MOB4: variants seen among roughly 807,000 people sequenced by gnomAD.
The protein encoded by MOB4 is MOB-like protein phocein.
Under a neutral mutation model 32.2 loss-of-function variants are expected in MOB4, and 4 were observed. That is an observed-to-expected ratio of 0.12 (90% CI 0.06 to 0.28). The LOEUF (loss-of-function observed/expected upper bound fraction) is 0.28. Among genes scored for constraint, MOB4 ranks in the 10% least tolerant of loss-of-function variants. The pLI is 1.00. For synonymous variants in MOB4, 88 were observed against 88.1 expected, an observed-to-expected ratio of 1.00 and a Z score of 0.01; for missense variants, 158 against 271.2, an observed-to-expected ratio of 0.58 and a Z score of 2.93.
chr2:197,517,156 C>A (rs1002586560), intron 1 of MOB4, among the ~76,000 whole-genome samples: 1 of 152,212 alleles, frequency 6.6e-6, no homozygotes, highest in East Asian at 1.9e-4. Flanking sequence ...TGATTACCTC[C>A]CCAGATTCAT....
intron 2 of MOB4, among the ~76,000 whole-genome samples, chr2:197,529,804 C>T (rs1185676283): frequency 2.0e-5 from 3 of 152,004 alleles, no homozygotes; most frequent in Non-Finnish European, 2.9e-5. Context: ...CAGGCGCACA[C>T]CACCGTGCCC....
At chr2:197,516,167 T>G in intron 1 of MOB4, 21 bp downstream of exon 1, 1 of 1,591,218 alleles carries the variant, frequency 6.3e-7, no homozygotes, top group Non-Finnish European at 8.5e-7. Context: ...TGCACTTTTC[T>G]TGTCGGGCAA....
chr2:197,524,530 C>CAAA (rs58552334), intron 2 of MOB4, among the ~76,000 whole-genome samples: 1 of 108,966 alleles, frequency 9.2e-6, no homozygotes, highest in Non-Finnish European at 1.9e-5. Flanking sequence ...GACTCTGTCT[C>CAAA]AAAAAAAAAA....
intron 5 of MOB4, among the ~76,000 whole-genome samples, chr2:197,543,965 C>T (rs2086944525): frequency 6.6e-6 from 1 of 152,094 alleles, no homozygotes; most frequent in Admixed American, 6.5e-5. Context: ...GCCTCGAACT[C>T]CTGACCTCAT....
chr2:197,533,722 C>CAAAAAAAAAA (rs796816631), intron 2 of MOB4: 1 of 134,922 alleles, frequency 7.4e-6, no homozygotes, highest in Non-Finnish European at 1.4e-5. Context: ...CAAAACTCCT[C>CAAAAAAAAAA]AAAAAAAAAA....
At chr2:197,548,288 TA>T (rs2106139087) in intron 5 of MOB4, 47 bp from the exon 6 acceptor site, 1 of 1,538,206 alleles carries the variant, frequency 6.5e-7, no homozygotes, top group South Asian at 1.2e-5. Flanking sequence ...ATATCTAACT[TA>T]AGAGAGAGCT....
intron 2 of MOB4, among the ~76,000 whole-genome samples, chr2:197,524,544 A>C (rs1186070176): frequency 6.7e-6 from 1 of 150,320 alleles, no homozygotes; most frequent in Non-Finnish European, 1.5e-5. Flanking sequence ...AAAAAAAAAA[A>C]AAACAAAAAC....
At chr2:197,540,806 A>G (rs879144925) in intron 5 of MOB4, among the ~76,000 whole-genome samples, 1 of 152,202 alleles carries the variant, frequency 6.6e-6, no homozygotes, top group Admixed American at 6.5e-5. Flanking sequence ...TAGTTTAAGT[A>G]GAAATGTTAC....
intron 2 of MOB4, chr2:197,533,685 A>G: frequency 3.3e-6 from 1 of 303,024 alleles, no homozygotes; most frequent in Non-Finnish European, 6.3e-6. Context: ...AGACTGAGCC[A>G]TTGCACTCCA....
intron 2 of MOB4, among the ~76,000 whole-genome samples, chr2:197,531,050 T>TA (rs200103800): frequency 0.014 from 1,377 of 98,164 alleles, 19 homozygotes; most frequent in South Asian, 0.066. Context: ...TATTTTTATT[T>TA]TTATTTTTTT....
In MOB4 at chr2:197,542,361, T is replaced by C. The variant is rs535090487; in HGVS notation, c.354+1924T>C. On this transcript the variant is annotated intron_variant, in intron 5 of 7. Transcript: ENST00000323303. ...CAAGTGGTAGTTATATTGAGTGGAG[T>C]TACTGTAAAAATACAAACAAAAGAA... Among the ~76,000 whole-genome samples the C allele has an allele frequency of 4.3e-4, 66 of 152,218 alleles. 2 individuals are homozygous for C. The South Asian group carries it at 0.013, about 31-fold the overall frequency.
chr2:197,544,854 A>C (rs553124885), intron 5 of MOB4, among the ~76,000 whole-genome samples: 2 of 152,328 alleles, frequency 1.3e-5, no homozygotes, highest in African/African-American at 4.8e-5. Flanking sequence ...CAAATGGCAT[A>C]TACTTTCATA....
upstream of MOB4, chr2:197,515,966 C>A: frequency 9.5e-7 from 1 of 1,047,642 alleles, no homozygotes; most frequent in Non-Finnish European, 1.4e-6. Flanking sequence ...GCGCAGGCTG[C>A]AGCTGTTCCG....
At chr2:197,523,741 G>T in intron 2 of MOB4, 55 bp downstream of exon 2, 1 of 1,532,488 alleles carries the variant, frequency 6.5e-7, no homozygotes, top group Non-Finnish European at 8.8e-7. Flanking sequence ...ATGTGTAAGT[G>T]CCCATTGGGT....
chr2:197,526,823 A>G (rs1451910536), intron 2 of MOB4, among the ~76,000 whole-genome samples: 1 of 152,032 alleles, frequency 6.6e-6, no homozygotes, highest in Admixed American at 6.6e-5. Context: ...GTGACACGTT[A>G]TTTCTGGGTT....
At position 197,523,874 on chromosome 2, in the gene MOB4, G is replaced by A. The variant is rs551207838; in HGVS notation, c.123+188G>A. Reference sequence around the variant, plus strand: ...ACCTAAGCATTTTACCTCTGACATAGTTAAGTATTCTTATATCTTTTCGCA... The same window carrying A: ...ACCTAAGCATTTTACCTCTGACATAATTAAGTATTCTTATATCTTTTCGCA... On this transcript the variant is annotated intron_variant, in intron 2 of 7. Coordinates refer to ENST00000323303, the MANE Select transcript of MOB4 (RefSeq NM_015387.5). Among the ~76,000 whole-genome samples, 7 of 152,316 alleles carry A rather than the reference G, an allele frequency of 4.6e-5. No homozygotes were observed. In the South Asian group the frequency reaches 1.5e-3, roughly 32 times the overall value.
At chr2:197,528,863 C>T (rs1320431698) in intron 2 of MOB4, among the ~76,000 whole-genome samples, 12 of 151,944 alleles carry the variant, frequency 7.9e-5, no homozygotes, top group East Asian at 7.7e-4. Flanking sequence ...GTGATCTGCC[C>T]GCCTCGGCTT....
At chr2:197,520,722 T>C (rs1392460801) in intron 1 of MOB4, among the ~76,000 whole-genome samples, 1 of 151,934 alleles carries the variant, frequency 6.6e-6, no homozygotes, top group Non-Finnish European at 1.5e-5. Flanking sequence ...AACTGTATTA[T>C]CTACAGAGAA....
chr2:197,523,295 A>G (rs1574626965), intron 1 of MOB4, among the ~76,000 whole-genome samples: 1 of 152,206 alleles, frequency 6.6e-6, no homozygotes, highest in Admixed American at 6.5e-5. Context: ...TTTAAAAAAC[A>G]TTAAACAGCC....
Sources: allele counts gnomAD v4.1 joint callset (sites outside exome capture counted in the v4.1 genomes callset), GRCh38; gene constraint gnomAD v4.1.1; transcripts MANE v1.5; gene names NCBI Gene and HGNC (gene_info 2026-07-23, HGNC 2026-07-21).